The following LRRC4C variants were observed in gnomAD, a reference collection of about 807,000 sequenced individuals.
The protein encoded by LRRC4C is leucine rich repeat containing 4C.
A neutral mutation model predicts 33.6 loss-of-function variants in LRRC4C; 5 were observed. The ratio of observed to expected loss-of-function variants is 0.15; its 90% CI spans 0.08 to 0.31. The LOEUF is 0.31. Among genes scored for constraint, LRRC4C ranks in the 10% least tolerant of loss-of-function variants. The pLI is 1.00. For missense variants in LRRC4C, 560 were observed against 796.7 expected (o/e 0.70, Z 3.58); for synonymous variants, 329 against 302.0 (o/e 1.09, Z -0.93).
At chr11:41,110,078 A>T (rs948624582) in intron 1 of LRRC4C, among the ~76,000 whole-genome samples, 1 of 152,038 alleles carries the variant, frequency 6.6e-6, no homozygotes, top group East Asian at 1.9e-4. Flanking sequence ...TTATTGCTCC[A>T]TGGGAAGTCA....
intron 3 of LRRC4C, among the ~76,000 whole-genome samples, chr11:40,562,918 G>T (rs1487738433): frequency 1.3e-5 from 2 of 151,324 alleles, no homozygotes; most frequent in Non-Finnish European, 2.9e-5. Context: ...CTTTCTACTC[G>T]ATCATCACTC....
intron 3 of LRRC4C, among the ~76,000 whole-genome samples, chr11:40,382,228 C>T (rs184376395): frequency 2.1e-4 from 31 of 150,006 alleles, no homozygotes; most frequent in Admixed American, 2.7e-4. Flanking sequence ...CTGATACACC[C>T]GCCTGGGCCT....
rs765252333 is a variant in LRRC4C at position 40,898,353 on chromosome 11, C to CAAAAAAAA, written c.-407+35274_-407+35281dup. On this transcript the variant is annotated intron_variant, in intron 2 of 6. Coordinates refer to ENST00000528697, the MANE Select transcript of LRRC4C (RefSeq NM_001258419.2). ...GGGCAACAAGAGTGAAACTCCATCT[C>CAAAAAAAA]AAAAAAAAAAAAAAAAAAAGAAAAA... is the stretch of plus-strand genomic sequence containing the variant. Among the ~76,000 whole-genome samples, 377 of 38,182 alleles carry CAAAAAAAA rather than the reference C, an allele frequency of 9.9e-3. 29 individuals are homozygous for CAAAAAAAA. Among genetic ancestry groups the CAAAAAAAA allele is most frequent in the Middle Eastern group, 0.018 (1 of 56 alleles). The allele number at this position is 38,182 out of a possible 152,430, so 25.0% of individuals were successfully genotyped here.
chr11:40,851,955 T>G (rs982122778), intron 2 of LRRC4C, among the ~76,000 whole-genome samples: 2 of 152,142 alleles, frequency 1.3e-5, no homozygotes, highest in Admixed American at 1.3e-4. Context: ...CAAACTCATT[T>G]AAAAGGAGCA....
intron 1 of LRRC4C, among the ~76,000 whole-genome samples, chr11:41,167,600 A>C (rs923008520): frequency 6.6e-6 from 1 of 152,206 alleles, no homozygotes; most frequent in Non-Finnish European, 1.5e-5. Flanking sequence ...AACTGGAAAC[A>C]CTTTTCTTGC....
At chr11:40,211,186 G>C (rs538766598) in intron 5 of LRRC4C, among the ~76,000 whole-genome samples, 1 of 152,126 alleles carries the variant, frequency 6.6e-6, no homozygotes, top group Admixed American at 6.5e-5. Flanking sequence ...AGATTTCATT[G>C]TATCTTTCCC....
At chr11:40,654,760 G>A (rs116727191) in intron 2 of LRRC4C, among the ~76,000 whole-genome samples, 2 of 152,092 alleles carry the variant, frequency 1.3e-5, no homozygotes, top group Non-Finnish European at 2.9e-5. Flanking sequence ...TCAGGAGGGA[G>A]TGATATTGTT....
At chr11:41,091,584 T>C (rs1354420468) in intron 1 of LRRC4C, among the ~76,000 whole-genome samples, 2 of 152,084 alleles carry the variant, frequency 1.3e-5, no homozygotes, top group Non-Finnish European at 2.9e-5. Context: ...ACAGATCCCA[T>C]GTTATTCTCA....
chr11:40,366,831 C>A (rs981125582), intron 3 of LRRC4C, among the ~76,000 whole-genome samples: 1 of 152,058 alleles, frequency 6.6e-6, no homozygotes, highest in African/African-American at 2.4e-5. Flanking sequence ...TGACCTTATG[C>A]AAGTCTCCTT....
rs151100896 is a variant in LRRC4C at position 40,904,811 on chromosome 11, T to C, written c.-407+28824A>G. Among the ~76,000 whole-genome samples the C allele has an allele frequency of 2.1e-3, 323 of 152,296 alleles. 2 individuals carry two copies. Among genetic ancestry groups the C allele is most frequent in the Non-Finnish European group, 3.5e-3 (235 of 68,028 alleles). On this transcript the variant is annotated intron_variant, in intron 2 of 6. Coordinates refer to ENST00000528697, the MANE Select transcript of LRRC4C (RefSeq NM_001258419.2). Reference sequence around the variant, plus strand: ...CCTATGCTAGGCAAAGCCTTCTTTATGTCTTGATTTTAGGTAGCAGATGGG... The same window carrying C: ...CCTATGCTAGGCAAAGCCTTCTTTACGTCTTGATTTTAGGTAGCAGATGGG...
chr11:40,733,413 T>C (rs1254902660), intron 2 of LRRC4C, among the ~76,000 whole-genome samples: 4 of 152,124 alleles, frequency 2.6e-5, no homozygotes, highest in Non-Finnish European at 5.9e-5. Flanking sequence ...TTGCCATATA[T>C]CTTTATACAA....
intron 1 of LRRC4C, among the ~76,000 whole-genome samples, chr11:41,238,429 G>T (rs1948113484): frequency 1.3e-5 from 2 of 152,088 alleles, no homozygotes; most frequent in Admixed American, 1.3e-4. Context: ...CACAAGAACT[G>T]TGAGATAGTT....
In LRRC4C at chr11:40,823,017, G is replaced by A. The variant is rs114910932; in HGVS notation, c.-407+110618C>T. ...ATTTTATCTCTGGGTTCTCCATTCTGTTCTATCAGTCTATGTGTTTGTGTG... is the reference window on the plus strand; with the variant it reads ...ATTTTATCTCTGGGTTCTCCATTCTATTCTATCAGTCTATGTGTTTGTGTG... On this transcript the variant is annotated intron_variant, in intron 2 of 6. Transcript: ENST00000528697. Among the ~76,000 whole-genome samples, 191 of 151,756 alleles carry A rather than the reference G, an allele frequency of 1.3e-3. 1 individual carries two copies. Among genetic ancestry groups the A allele is most frequent in the African/African-American group, 4.5e-3 (185 of 41,460 alleles).
At chr11:40,376,808 A>G (rs1405856956) in intron 3 of LRRC4C, among the ~76,000 whole-genome samples, 1 of 151,954 alleles carries the variant, frequency 6.6e-6, no homozygotes, top group East Asian at 1.9e-4. Flanking sequence ...AGTGGTCCGT[A>G]TCCTTAGACT....
chr11:41,204,075 A>T (rs1356268163), intron 1 of LRRC4C, among the ~76,000 whole-genome samples: 1 of 152,128 alleles, frequency 6.6e-6, no homozygotes, highest in Admixed American at 6.5e-5. Flanking sequence ...CTCTTGAAAT[A>T]ATATTTTTGA....
chr11:41,307,812 C>A (rs10837629), intron 1 of LRRC4C, among the ~76,000 whole-genome samples: 26,467 of 152,090 alleles, frequency 0.17, 2,888 homozygotes, highest in East Asian at 0.43. Flanking sequence ...AACACAATTT[C>A]ATTTTAGGAG....
chr11:40,365,265 A>C (rs1948156715), intron 3 of LRRC4C, among the ~76,000 whole-genome samples: 2 of 152,118 alleles, frequency 1.3e-5, no homozygotes, highest in East Asian at 3.9e-4. Flanking sequence ...AATGTAGAAG[A>C]TTTCAACTAG....
intron 1 of LRRC4C, among the ~76,000 whole-genome samples, chr11:41,141,020 T>G (rs1047474137): frequency 3.3e-5 from 5 of 152,188 alleles, no homozygotes; most frequent in African/African-American, 4.8e-5. Flanking sequence ...GTTTCCAGAA[T>G]TATATCTATG....
rs568721192 is a variant in LRRC4C at position 41,130,008 on chromosome 11, TTACTGTCCA to T, written c.-495-196294_-495-196286del. Among the ~76,000 whole-genome samples the T allele has an allele frequency of 2.4e-4, 37 of 152,048 alleles. No individual in the cohort carries two copies. The East Asian group carries it at 7.2e-3, about 29-fold the overall frequency. ...CAAGCTCCAGATTCTGTTTAGTTAT[TTACTGTCCA>T]TAGGAGACTAGATCCTCTTGACTGA... is the stretch of plus-strand genomic sequence containing the variant. On this transcript the variant is annotated intron_variant, in intron 1 of 6. Transcript: ENST00000528697.
Sources: gnomAD v4.1 joint callset for allele counts (sites outside exome capture counted in the v4.1 genomes callset) on GRCh38, gnomAD v4.1.1 for gene constraint, MANE v1.5 for transcripts, NCBI Gene and HGNC (gene_info 2026-07-23, HGNC 2026-07-21) for gene names.